The following CHD7 variants were observed in gnomAD, a reference collection of about 807,000 sequenced individuals.
The protein encoded by CHD7 is chromodomain helicase DNA binding protein 7, also known as ATP-dependent chromatin remodeler CHD7.
A neutral mutation model predicts 307.3 loss-of-function variants in CHD7; 24 were observed. That is an observed-to-expected ratio of 0.08 (90% confidence interval 0.06 to 0.11). The LOEUF (loss-of-function observed/expected upper bound fraction) is 0.11. Among genes scored for constraint, CHD7 ranks in the 10% least tolerant of loss-of-function variants. CHD7 has a pLI of 1.00. For synonymous variants in CHD7, 1,363 were observed against 1,349.9 expected (o/e 1.01, Z -0.21); for missense variants, 3,106 against 3,727.1 (o/e 0.83, Z 4.34).
In CHD7 at chr8:60,856,662, T is replaced by C. The variant is rs1805730975; in HGVS notation, c.7382T>C (p.Leu2461Pro). ...AGCTCTACCTCAAATTTTTCATCTC[T>C]TTCTTCAAAGTTTATCTTGCCTAAT... ...ATSSTSNFSS[L>P]SSKFILPNVS... Residue 2461 changes from leucine (L) to proline (P), a missense_variant, in exon 34 of 38, where the codon CTT becomes CCT. Leu to Pro is a moderately conservative substitution (Grantham distance 98). This residue lies in a region of CHD7 where 1,030 missense variants were observed against 1,165.4 expected (regional missense o/e 0.88). Transcript: ENST00000423902. 1 of 1,613,928 alleles carries C rather than the reference T, an allele frequency of 6.2e-7. No individual in the cohort carries two copies. The highest frequency in any genetic ancestry group is 8.5e-7 in the Non-Finnish European group (1 of 1,179,908).
chr8:60,850,161 C>G (rs1182841054), intron 25 of CHD7, among the ~76,000 whole-genome samples: 1 of 152,072 alleles, frequency 6.6e-6, no homozygotes, highest in Non-Finnish European at 1.5e-5. Context: ...AGGAACATTG[C>G]GAATCCTTCT....
rs142750323 is a variant in CHD7 at position 60,834,661 on chromosome 8, A to G, written c.3779-1412A>G. On this transcript the variant is annotated intron_variant, in intron 15 of 37. Transcript: ENST00000423902. ...AAGGAGTGAGGGCCAGTCTGCCTTC[A>G]TAAGAAGTCAGTGTATTTTGTGGAA... 7.2e-5 allele frequency among the ~76,000 whole-genome samples: 11 copies of G among 152,344 alleles called. No individual in the cohort carries two copies. In the East Asian group the frequency reaches 2.1e-3, roughly 29 times the overall value.
intron 17 of CHD7, among the ~76,000 whole-genome samples, chr8:60,837,255 C>T (rs1235597601): frequency 2.6e-5 from 4 of 152,226 alleles, no homozygotes; most frequent in Admixed American, 2.6e-4. Context: ...TTAGAACTGG[C>T]AGATGAGTCT....
intron 2 of CHD7, among the ~76,000 whole-genome samples, chr8:60,751,098 T>C (rs562414519): frequency 1.3e-5 from 2 of 152,264 alleles, no homozygotes; most frequent in South Asian, 2.1e-4. Flanking sequence ...TGGGAAAAAA[T>C]AGCGTGTTTG....
intron 7 of CHD7, among the ~76,000 whole-genome samples, chr8:60,810,760 G>GT (rs1305633108): frequency 2.6e-5 from 4 of 152,088 alleles, no homozygotes; most frequent in Admixed American, 6.5e-5. Context: ...ATGTCCTTGG[G>GT]TTGGTTATTC....
At chr8:60,696,134 C>T (rs1406386010) in intron 1 of CHD7, among the ~76,000 whole-genome samples, 1 of 152,228 alleles carries the variant, frequency 6.6e-6, no homozygotes, top group Non-Finnish European at 1.5e-5. Context: ...TGAAAGAGTA[C>T]AAAAGAACAT....
At chr8:60,714,343 C>T (rs936623221) in intron 1 of CHD7, among the ~76,000 whole-genome samples, 1 of 139,122 alleles carries the variant, frequency 7.2e-6, no homozygotes. Context: ...GCCGGAGCTG[C>T]GGCCACTTCC....
intron 1 of CHD7, among the ~76,000 whole-genome samples, chr8:60,685,326 G>T (rs952120836): frequency 4.6e-5 from 7 of 152,214 alleles, no homozygotes; most frequent in African/African-American, 1.7e-4. Context: ...CTTACTTGCT[G>T]AATACATAGC....
At chr8:60,746,072 G>A (rs556619858) in intron 2 of CHD7, among the ~76,000 whole-genome samples, 1 of 152,120 alleles carries the variant, frequency 6.6e-6, no homozygotes, top group African/African-American at 2.4e-5. Flanking sequence ...GTCTCACTCT[G>A]TTGCCAGGCT....
intron 1 of CHD7, among the ~76,000 whole-genome samples, chr8:60,739,068 C>G (rs900781786): frequency 3.3e-5 from 5 of 152,152 alleles, no homozygotes; most frequent in African/African-American, 1.2e-4. Flanking sequence ...CTGCCTCTGC[C>G]TCTGAGCTCA....
chr8:60,734,473 T>G (rs1307625990), intron 1 of CHD7, among the ~76,000 whole-genome samples: 1 of 152,144 alleles, frequency 6.6e-6, no homozygotes, highest in African/African-American at 2.4e-5. Flanking sequence ...CATGTTGATG[T>G]GGTGGTACTG....
chr8:60,682,266 A>G (rs1805667184), intron 1 of CHD7, among the ~76,000 whole-genome samples: 1 of 152,206 alleles, frequency 6.6e-6, no homozygotes, highest in Non-Finnish European at 1.5e-5. Flanking sequence ...CCTTCTTTCT[A>G]GGTTAGCCTT....
chr8:60,781,339 A>G lies in CHD7; in HGVS notation c.2005A>G (p.Lys669Glu), dbSNP rs2150670002. Residue 669 changes from lysine (K) to glutamate (E), a missense_variant, in exon 3 of 38, where the codon AAG becomes GAG. Lys to Glu is a moderately conservative substitution (Grantham distance 56). Around this residue, in one of 10 missense-constraint regions of CHD7, gnomAD observed 998 missense variants for 1,004.5 expected, o/e 0.99. Transcript: ENST00000423902. ...GGAGAAAAAAGAGCCCAAGGAACCC[A>G]AGACCCCGAAAGCCCCTAAGATTCC... ...PKEKKEPKEP[K>E]TPKAPKIPKE... 6.4e-7 allele frequency: 1 copy of G among 1,569,856 alleles called. No individual in the cohort carries two copies. Among genetic ancestry groups the G allele is most frequent in the Non-Finnish European group, 8.6e-7 (1 of 1,160,552 alleles).
chr8:60,730,044 A>T (rs940517313), intron 1 of CHD7, among the ~76,000 whole-genome samples: 1 of 152,238 alleles, frequency 6.6e-6, no homozygotes, highest in African/African-American at 2.4e-5. Flanking sequence ...ATTACAGTCA[A>T]TGCTCAATGA....
At chr8:60,717,486 C>G (rs1376411422) in intron 1 of CHD7, among the ~76,000 whole-genome samples, 1 of 152,116 alleles carries the variant, frequency 6.6e-6, no homozygotes, top group Admixed American at 6.5e-5. Flanking sequence ...GTATGTGACC[C>G]TAGTTTCTTT....
In CHD7 at chr8:60,860,998, G is replaced by A. The variant is rs369807016; in HGVS notation, c.7703G>A (p.Arg2568Gln). 6.8e-6 allele frequency: 11 copies of A among 1,613,800 alleles called. No homozygotes were observed. Among genetic ancestry groups the A allele is most frequent in the African/African-American group, 4.0e-5 (3 of 74,898 alleles). ...PSPGQLDPDT[R>Q]IPVINLEDGT... Reference sequence around the variant, plus strand: ...CCCGGACAGCTGGACCCAGACACACGGATCCCTGTTATCAATCTTGAAGAT... The same window carrying A: ...CCCGGACAGCTGGACCCAGACACACAGATCCCTGTTATCAATCTTGAAGAT... Residue 2568 changes from arginine to glutamine, a missense_variant, in exon 35 of 38, where the codon CGG becomes CAG. Arg to Gln is a conservative substitution (Grantham distance 43, BLOSUM62 1). Around this residue, in one of 10 missense-constraint regions of CHD7, gnomAD observed 1,030 missense variants for 1,165.4 expected, o/e 0.88. Transcript: ENST00000423902.
rs1007501146 is a variant in CHD7, at chr8:60,781,566, T to A, written c.2096+136T>A. 3 of 1,269,684 alleles carry A rather than the reference T, an allele frequency of 2.4e-6. No homozygotes were observed. The African/African-American group carries it at 4.6e-5, about 19-fold the overall frequency. 78.7% of individuals were successfully genotyped at this position (1,269,684 alleles called of 1,614,324 possible). A position where few individuals can be genotyped will look rare whatever the true frequency, so the allele number is the denominator to read the frequency against. On this transcript the variant is annotated intron_variant, in intron 3 of 37. Coordinates refer to ENST00000423902, the MANE Select transcript of CHD7 (RefSeq NM_017780.4). ...CATCATTGAGTTTCTTTCCCTAATATCCAAACTAAAAAGCTAAGGCTTTTA... is the reference window on the plus strand; with the variant it reads ...CATCATTGAGTTTCTTTCCCTAATAACCAAACTAAAAAGCTAAGGCTTTTA...
chr8:60,814,384 C>A lies in CHD7; in HGVS notation c.2499-2003C>A, dbSNP rs886330742. On this transcript the variant is annotated intron_variant, in intron 7 of 37. Coordinates refer to ENST00000423902, the MANE Select transcript of CHD7 (RefSeq NM_017780.4). ...TACTAACTGACTGACTGCACATGTG[C>A]CTTTTTCTGTCAAATAATTTGGAGA... 2.6e-5 allele frequency among the ~76,000 whole-genome samples: 4 copies of A among 152,160 alleles called. No homozygotes were observed. In the East Asian group the frequency reaches 7.7e-4, roughly 29 times the overall value.
At chr8:60,791,556 T>C (rs766526289) in intron 3 of CHD7, among the ~76,000 whole-genome samples, 1 of 152,232 alleles carries the variant, frequency 6.6e-6, no homozygotes, top group African/African-American at 2.4e-5. Flanking sequence ...GGAAGAGGAA[T>C]ATATGTCTGT....
Sources: allele counts gnomAD v4.1 joint callset (sites outside exome capture counted in the v4.1 genomes callset), GRCh38; gene constraint gnomAD v4.1.1; regional missense constraint gnomAD v4.1.1; transcripts MANE v1.5; gene names NCBI Gene and HGNC (gene_info 2026-07-23, HGNC 2026-07-21).